OPN3: variants seen among roughly 807,000 people sequenced by gnomAD.
OPN3 encodes opsin-3.
A neutral mutation model predicts 33.8 loss-of-function variants in OPN3; 29 were observed. The ratio of observed to expected loss-of-function variants is 0.86; its 90% CI spans 0.64 to 1.17. The LOEUF (loss-of-function observed/expected upper bound fraction) is 1.17. OPN3 is among the 50% of genes most tolerant of loss of function. OPN3 has a pLI of 0.00. For missense variants in OPN3, 437 were observed against 514.1 expected (o/e 0.85, Z 1.45); for synonymous variants, 216 against 216.1 (o/e 1.00, Z 0.00).
intron 1 of OPN3, chr1:241,628,882 ATTT>A (rs971415635): frequency 1.3e-5 from 2 of 152,548 alleles, no homozygotes; most frequent in East Asian, 3.8e-4. Context: ...TTAATCTTTT[ATTT>A]TTTATTGCAT....
intron 1 of OPN3, among the ~76,000 whole-genome samples, chr1:241,614,911 T>C (rs1483629750): frequency 1.3e-5 from 2 of 152,224 alleles, no homozygotes; most frequent in African/African-American, 4.8e-5. Context: ...TTCCCCCCAG[T>C]AATTGCTTAA....
chr1:241,635,177 T>C, intron 1 of OPN3: 1 of 1,613,072 alleles, frequency 6.2e-7, no homozygotes, highest in Non-Finnish European at 8.5e-7. Context: ...TTCATCTTTA[T>C]CTCCATCTTT....
intron 3 of OPN3, 71 bp downstream of exon 3, chr1:241,597,675 G>A: frequency 2.1e-6 from 3 of 1,462,256 alleles, no homozygotes; most frequent in Non-Finnish European, 2.8e-6. Context: ...AATCACCTCT[G>A]TAAAAGTATT....
chr1:241,593,336 T>C lies in OPN3; in HGVS notation c.*1092A>G. ...TTTTAAAAGCACATTTAGTGAAATGTTTTCTTTGGTTCATCCTTCTTTAAC... is the reference window on the plus strand; with the variant it reads ...TTTTAAAAGCACATTTAGTGAAATGCTTTCTTTGGTTCATCCTTCTTTAAC... On this transcript the variant is annotated 3_prime_UTR_variant, in exon 4 of 4. Transcript: ENST00000366554. 1 of 428,030 alleles carries C rather than the reference T, an allele frequency of 2.3e-6. No homozygotes were observed. The highest frequency in any genetic ancestry group is 5.1e-6 in the Non-Finnish European group (1 of 196,664). 26.5% of individuals were successfully genotyped at this position (428,030 alleles called of 1,614,324 possible).
At position 241,594,637 on chromosome 1, in the gene OPN3, G is replaced by T. The variant is rs1663441803; in HGVS notation, c.1000C>A (p.Pro334Thr). The T allele has an allele frequency of 6.2e-7, 1 of 1,614,082 alleles. No individual in the cohort carries two copies. Among genetic ancestry groups the T allele is most frequent in the Non-Finnish European group, 8.5e-7 (1 of 1,179,978 alleles). ...LCLRLLRCQR[P>T]AKDLPAAGSE... ...CCAGCTGCTGGTAGGTCTTTAGCAGGCCTCTGGCACCTCAGCAGTCGGAGG... is the reference window on the plus strand; with the variant it reads ...CCAGCTGCTGGTAGGTCTTTAGCAGTCCTCTGGCACCTCAGCAGTCGGAGG... Residue 334 changes from proline (P) to threonine (T), a missense_variant, in exon 4 of 4, where the codon CCT becomes ACT. By Grantham distance (38) the Pro-to-Thr change is conservative. Transcript: ENST00000366554.
At chr1:241,608,858 T>C (rs3753217) in intron 1 of OPN3, among the ~76,000 whole-genome samples, 3,755 of 152,238 alleles carry the variant, frequency 0.025, 123 homozygotes, top group African/African-American at 0.067. Flanking sequence ...TATAACTGAG[T>C]GGCAGCATGA....
chr1:241,621,716 C>T (rs1037469967), intron 1 of OPN3, among the ~76,000 whole-genome samples: 5 of 151,838 alleles, frequency 3.3e-5, no homozygotes, highest in Admixed American at 1.3e-4. Flanking sequence ...GGGGAGTGTA[C>T]GGCTCATGAA....
intron 1 of OPN3, among the ~76,000 whole-genome samples, chr1:241,616,895 CA>C (rs1664146797): frequency 6.6e-6 from 1 of 152,230 alleles, no homozygotes; most frequent in Admixed American, 6.5e-5. Flanking sequence ...TATGATTTGA[CA>C]GTCCTTACAT....
chr1:241,594,712 G>A, intron 3 of OPN3, 21 bp from the exon 4 acceptor site: 1 of 1,605,134 alleles, frequency 6.2e-7, no homozygotes, highest in Non-Finnish European at 8.5e-7. Flanking sequence ...AAAAAATAAA[G>A]TGGAATATTA....
chr1:241,639,749 G>A, intron 1 of OPN3, 133 bp downstream of exon 1: 1 of 931,688 alleles, frequency 1.1e-6, no homozygotes, highest in Non-Finnish European at 1.5e-6. Context: ...GAGCGGGGCG[G>A]TGTAGGGCGG....
At chr1:241,623,088 A>G (rs1459286900) in intron 1 of OPN3, among the ~76,000 whole-genome samples, 2 of 103,144 alleles carry the variant, frequency 1.9e-5, no homozygotes, top group East Asian at 8.0e-4. Context: ...AAAAAAACAA[A>G]AAACAAAAAA....
At chr1:241,606,702 C>T (rs1035744690) in intron 1 of OPN3, among the ~76,000 whole-genome samples, 1 of 152,050 alleles carries the variant, frequency 6.6e-6, no homozygotes, top group South Asian at 2.1e-4. Context: ...ACAATAAAAT[C>T]GTGAGCTTCC....
intron 1 of OPN3, among the ~76,000 whole-genome samples, chr1:241,619,356 T>C (rs2148012283): frequency 6.6e-6 from 1 of 152,310 alleles, no homozygotes; most frequent in Non-Finnish European, 1.5e-5. Context: ...AGTACCGATG[T>C]CCGGGTGCCA....
intron 3 of OPN3, among the ~76,000 whole-genome samples, chr1:241,596,948 CT>C (rs1316301883): frequency 6.6e-6 from 1 of 152,094 alleles, no homozygotes; most frequent in Non-Finnish European, 1.5e-5. Flanking sequence ...TCTCAGGCCC[CT>C]GAGTAGCTGC....
In OPN3 at chr1:241,593,339, T is replaced by C. The variant is rs1194430229; in HGVS notation, c.*1089A>G. The C allele has an allele frequency of 2.3e-6, 1 of 429,850 alleles. No individual in the cohort carries two copies. Among genetic ancestry groups the C allele is most frequent in the Admixed American group, 2.4e-5 (1 of 42,102 alleles). The allele number at this position is 429,850 out of a possible 1,614,324, so 26.6% of individuals were successfully genotyped here. A position where few individuals can be genotyped will look rare whatever the true frequency, so the allele number is the denominator to read the frequency against. On this transcript the variant is annotated 3_prime_UTR_variant, in exon 4 of 4. Coordinates refer to ENST00000366554, the MANE Select transcript of OPN3 (RefSeq NM_014322.3). ...TAAAAGCACATTTAGTGAAATGTTTTCTTTGGTTCATCCTTCTTTAACAGG... is the reference window on the plus strand; with the variant it reads ...TAAAAGCACATTTAGTGAAATGTTTCCTTTGGTTCATCCTTCTTTAACAGG...
intron 2 of OPN3, among the ~76,000 whole-genome samples, chr1:241,601,357 G>GT (rs34332468): frequency 0.23 from 33,528 of 147,634 alleles, 3,783 homozygotes; most frequent in Non-Finnish European, 0.26. Context: ...GGAGAACTAA[G>GT]TTTTTTTTTT....
chr1:241,631,033 C>T (rs2148022053), intron 1 of OPN3: 1 of 152,200 alleles, frequency 6.6e-6, no homozygotes, highest in East Asian at 1.9e-4. Context: ...TTGAAGCATA[C>T]TGTCCTTCAT....
chr1:241,630,133 T>G (rs538472015), intron 1 of OPN3: 10 of 152,072 alleles, frequency 6.6e-5, no homozygotes, highest in Non-Finnish European at 1.3e-4. Flanking sequence ...TGTGAAGTAT[T>G]TCTCTTCTGT....
chr1:241,617,991 G>C (rs1051981861), intron 1 of OPN3, among the ~76,000 whole-genome samples: 2 of 150,452 alleles, frequency 1.3e-5, no homozygotes, highest in South Asian at 2.1e-4. Context: ...AGAATGTCAA[G>C]TAATGAAGAA....
Sources: gnomAD v4.1 joint callset for allele counts (sites outside exome capture counted in the v4.1 genomes callset) on GRCh38, gnomAD v4.1.1 for gene constraint, MANE v1.5 for transcripts, NCBI Gene and HGNC (gene_info 2026-07-23, HGNC 2026-07-21) for gene names.